USP10: variants seen among roughly 807,000 people sequenced by gnomAD.
USP10 encodes ubiquitin specific peptidase 10.
A neutral mutation model predicts 84.5 loss-of-function variants in USP10; 22 were observed. That is an observed-to-expected ratio of 0.26 (90% CI 0.19 to 0.37). The LOEUF (loss-of-function observed/expected upper bound fraction) is 0.37, where lower values mean the gene tolerates loss of function less well. Among genes scored for constraint, USP10 ranks in the 10% least tolerant of loss-of-function variants. USP10 has a pLI of 1.00. For missense variants in USP10, 1,019 were observed against 998.9 expected (o/e 1.02, Z -0.27); for synonymous variants, 454 against 387.6 (o/e 1.17, Z -2.01).
chr16:84,710,533 A>G (rs1205775437), intron 1 of USP10, among the ~76,000 whole-genome samples: 1 of 152,150 alleles, frequency 6.6e-6, no homozygotes, highest in African/African-American at 2.4e-5. Flanking sequence ...TAGTTAGGGA[A>G]GGTCATTTAG....
chr16:84,739,945 C>G (rs1310501035), intron 2 of USP10, among the ~76,000 whole-genome samples: 3 of 152,208 alleles, frequency 2.0e-5, no homozygotes, highest in African/African-American at 7.2e-5. Flanking sequence ...CGCTAGTGCA[C>G]AAACAAAAGT....
intron 1 of USP10, among the ~76,000 whole-genome samples, chr16:84,731,386 G>T (rs1392050967): frequency 6.6e-6 from 1 of 151,874 alleles, no homozygotes. Context: ...AAAACAGCAT[G>T]ATTTTAGTTT....
chr16:84,738,578 G>A (rs1383005932), intron 2 of USP10, among the ~76,000 whole-genome samples: 1 of 152,136 alleles, frequency 6.6e-6, no homozygotes, highest in Non-Finnish European at 1.5e-5. Flanking sequence ...TTTGCCTTGC[G>A]GGTGCCAAGG....
intron 4 of USP10, among the ~76,000 whole-genome samples, chr16:84,747,851 G>T (rs146003415): frequency 6.6e-6 from 1 of 151,902 alleles, no homozygotes; most frequent in African/African-American, 2.4e-5. Flanking sequence ...CCAGGTGTGG[G>T]CCACCGCACT....
intron 3 of USP10, among the ~76,000 whole-genome samples, chr16:84,743,329 G>A (rs527971990): frequency 2.2e-4 from 34 of 152,230 alleles, no homozygotes; most frequent in Admixed American, 1.2e-3. Context: ...CCCCACAGTC[G>A]GGGGCTGTGA....
At chr16:84,775,356 T>C (rs978063983) in intron 13 of USP10, 131 bp downstream of exon 13, 3 of 849,790 alleles carry the variant, frequency 3.5e-6, no homozygotes, top group African/African-American at 3.3e-5. Flanking sequence ...GCCTTGTGAG[T>C]CGGGGAGTCA....
intron 4 of USP10, among the ~76,000 whole-genome samples, chr16:84,746,474 C>A (rs572332385): frequency 6.6e-6 from 1 of 152,314 alleles, no homozygotes; most frequent in East Asian, 1.9e-4. Flanking sequence ...GGGCTGCAAA[C>A]CTGTCCAGCG....
At chr16:84,720,702 C>T (rs1233996806) in intron 1 of USP10, among the ~76,000 whole-genome samples, 2 of 149,834 alleles carry the variant, frequency 1.3e-5, no homozygotes, top group East Asian at 3.9e-4. Context: ...CTGCCTCAGC[C>T]TCCTGAGTAG....
intron 4 of USP10, among the ~76,000 whole-genome samples, chr16:84,757,396 G>GTGTGTGTGTGTGT (rs11373011): frequency 1.6e-5 from 2 of 127,366 alleles, no homozygotes; most frequent in East Asian, 5.3e-4. Context: ...GAATGAGAGG[G>GTGTGTGTGTGTGT]GTGGGGGTGT....
rs781313371 is a variant in USP10, at chr16:84,771,323, G to T, written c.1999-1218G>T. 3.3e-5 allele frequency among the ~76,000 whole-genome samples: 5 copies of T among 152,166 alleles called. No individual in the cohort carries two copies. The South Asian group carries it at 6.2e-4, about 19-fold the overall frequency. ...TCCCAGCACGGTGGGAGACTGAGGC[G>T]AGCAGGTTGCTTAAGTCTAGGAGTT... On this transcript the variant is annotated intron_variant, in intron 11 of 13. Transcript: ENST00000219473.
At chr16:84,720,361 C>A (rs1180224655) in intron 1 of USP10, among the ~76,000 whole-genome samples, 1 of 152,098 alleles carries the variant, frequency 6.6e-6, no homozygotes, top group Non-Finnish European at 1.5e-5. Context: ...GCCCATGTAG[C>A]ACTCTGTTTA....
At chr16:84,768,451 G>A in intron 11 of USP10, 93 bp downstream of exon 11, 2 of 1,258,364 alleles carry the variant, frequency 1.6e-6, no homozygotes, top group Non-Finnish European at 2.1e-6. Context: ...ATGGGTTTGA[G>A]TTATGCCTCT....
intron 1 of USP10, among the ~76,000 whole-genome samples, chr16:84,721,230 G>A (rs758865392): frequency 2.0e-4 from 31 of 152,142 alleles, no homozygotes; most frequent in Admixed American, 1.0e-3. Flanking sequence ...TGTAGCACTG[G>A]GAGGTCTTTG....
intron 3 of USP10, among the ~76,000 whole-genome samples, chr16:84,740,722 G>T (rs944173957): frequency 3.3e-5 from 5 of 152,224 alleles, no homozygotes; most frequent in African/African-American, 1.2e-4. Context: ...TGGCTCCAGC[G>T]CCAGCTAGCT....
rs369382426 is a variant in USP10, at chr16:84,700,041, A to T, written c.-50A>T. The T allele has an allele frequency of 3.7e-6, 5 of 1,343,454 alleles. No homozygotes were observed. The South Asian group carries it at 5.5e-5, about 15-fold the overall frequency. The allele number at this position is 1,343,454 out of a possible 1,614,324, so 83.2% of individuals were successfully genotyped here. On this transcript the variant is annotated 5_prime_UTR_variant, in exon 1 of 14. The change creates a new upstream start codon in the 5' untranslated region. Transcript: ENST00000219473. ...GCGAGAAGATGGCGGCGGCGGGGGAAGCAGCGTGAGCAGCCGGAGGATCGC... is the reference window on the plus strand; with the variant it reads ...GCGAGAAGATGGCGGCGGCGGGGGATGCAGCGTGAGCAGCCGGAGGATCGC...
chr16:84,737,041 G>C (rs1056190146), intron 2 of USP10, among the ~76,000 whole-genome samples: 1 of 152,350 alleles, frequency 6.6e-6, no homozygotes, highest in Non-Finnish European at 1.5e-5. Flanking sequence ...GCCCGCCTCG[G>C]CTTCCCAAAG....
At chr16:84,775,660 C>T (rs915532211) in intron 13 of USP10, among the ~76,000 whole-genome samples, 1 of 152,158 alleles carries the variant, frequency 6.6e-6, no homozygotes, top group Non-Finnish European at 1.5e-5. Context: ...GTTAGGGCTG[C>T]TTGAGAGGGT....
chr16:84,746,460 T>A (rs1023796478), intron 4 of USP10, among the ~76,000 whole-genome samples: 2 of 152,218 alleles, frequency 1.3e-5, no homozygotes, highest in Non-Finnish European at 2.9e-5. Context: ...AGCCTATTAC[T>A]CCCGGGCTGC....
chr16:84,775,209 C>G lies in USP10; in HGVS notation c.2193C>G (p.Thr731=), dbSNP rs1366491674. 2 of 1,613,744 alleles carry G rather than the reference C, an allele frequency of 1.2e-6. No homozygotes were observed. The highest frequency in any genetic ancestry group is 1.3e-5 in the African/African-American group (1 of 75,054). The change falls in exon 13 of 14, where the codon ACC becomes ACG. Residue 731 remains threonine, a synonymous_variant. Transcript: ENST00000219473. ...VKNKNFKCHR[T]YRLFAVVYHH... ...ATAAGAATTTTAAATGCCACCGAAC[C>G]TATCGGCTCTTTGCAGGTGAGTAAA...
Sources: gnomAD v4.1 joint callset for allele counts (sites outside exome capture counted in the v4.1 genomes callset) on GRCh38, gnomAD v4.1.1 for gene constraint, MANE v1.5 for transcripts, NCBI Gene and HGNC (gene_info 2026-07-23, HGNC 2026-07-21) for gene names.